Variants in SLC26A3 observed in about 807,000 individuals in gnomAD.
SLC26A3 encodes the protein solute carrier family 26 member 3.
A neutral mutation model predicts 85.6 loss-of-function variants in SLC26A3; 64 were observed. The observed-to-expected ratio is 0.75, with a 90% CI of 0.61 to 0.92. The LOEUF is 0.92. Among genes scored for constraint, SLC26A3 ranks in the 40% least tolerant of loss-of-function variants. The pLI is 0.00. For synonymous variants in SLC26A3, 349 were observed against 336.0 expected (o/e 1.04, Z -0.42); for missense variants, 922 against 927.3 (o/e 0.99, Z 0.07).
intron 4 of SLC26A3, among the ~76,000 whole-genome samples, chr7:107,791,559 C>A (rs1192613546): frequency 6.6e-6 from 1 of 152,038 alleles, no homozygotes; most frequent in Admixed American, 6.6e-5. Flanking sequence ...TTGCAGTGAG[C>A]TGAGATCGTG....
intron 1 of SLC26A3, among the ~76,000 whole-genome samples, chr7:107,798,602 A>T (rs1046099904): frequency 6.6e-6 from 1 of 152,180 alleles, no homozygotes; most frequent in African/African-American, 2.4e-5. Context: ...ATTAGCGGTC[A>T]TTTGAAACCA....
At chr7:107,775,286 G>A (rs1432069310) in intron 15 of SLC26A3, among the ~76,000 whole-genome samples, 2 of 151,626 alleles carry the variant, frequency 1.3e-5, no homozygotes, top group Non-Finnish European at 2.9e-5. Context: ...ATTTATAATG[G>A]TATGTTATTT....
At chr7:107,782,671 A>G (rs1281708688) in intron 11 of SLC26A3, 126 bp downstream of exon 11, 1 of 928,488 alleles carries the variant, frequency 1.1e-6, no homozygotes, top group East Asian at 2.4e-5. Context: ...AGTATTGGCT[A>G]AGAAGAGTAC....
At chr7:107,786,720 T>C (rs893264900) in intron 8 of SLC26A3, 107 bp downstream of exon 8, 1 of 924,232 alleles carries the variant, frequency 1.1e-6, no homozygotes, top group African/African-American at 1.6e-5. Context: ...AGGATTCTGA[T>C]GAGGGTTACC....
intron 8 of SLC26A3, among the ~76,000 whole-genome samples, chr7:107,783,821 C>T (rs971737113): frequency 6.6e-6 from 1 of 152,146 alleles, no homozygotes; most frequent in Non-Finnish European, 1.5e-5. Flanking sequence ...TGGAAAACTC[C>T]TGGCAAAGAG....
chr7:107,787,521 A>G lies in SLC26A3; in HGVS notation c.736-12T>C. 3 of 1,610,474 alleles carry G rather than the reference A, an allele frequency of 1.9e-6. No individual in the cohort carries two copies. Among genetic ancestry groups the G allele is most frequent in the Non-Finnish European group, 1.7e-6 (2 of 1,178,486 alleles). On this transcript the variant is annotated splice_polypyrimidine_tract_variant and intron_variant, in intron 6 of 20. Coordinates refer to ENST00000340010, the MANE Select transcript of SLC26A3 (RefSeq NM_000111.3). ...ACAGAGTATAGTACCTACAATTATAAAAACAAAAACCACCAAAGCCCTATA... is the reference window on the plus strand; with the variant it reads ...ACAGAGTATAGTACCTACAATTATAGAAACAAAAACCACCAAAGCCCTATA...
rs200098446 is a variant in SLC26A3 at position 107,786,613 on chromosome 7, G to GAAA, written c.971+211_971+213dup. On this transcript the variant is annotated intron_variant, in intron 8 of 20. Coordinates refer to ENST00000340010, the MANE Select transcript of SLC26A3 (RefSeq NM_000111.3). ...AGAACTGCATTCACTGTGGGGAGGCGAAAAAAAAAAAAAAAGAACTGCACA... is the reference window on the plus strand; with the variant it reads ...AGAACTGCATTCACTGTGGGGAGGCGAAAAAAAAAAAAAAAAAAGAACTGCACA... Among the ~76,000 whole-genome samples the GAAA allele has an allele frequency of 2.3e-5, 3 of 132,446 alleles. No homozygotes were observed. In the East Asian group the frequency reaches 6.3e-4, roughly 28 times the overall value. 86.9% of individuals were successfully genotyped at this position (132,446 alleles called of 152,430 possible).
chr7:107,769,996 T>TTCTCTC (rs1793978119), intron 18 of SLC26A3, among the ~76,000 whole-genome samples: 1 of 135,164 alleles, frequency 7.4e-6, no homozygotes, highest in Non-Finnish European at 1.6e-5. Flanking sequence ...TTCCTTCCTT[T>TTCTCTC]TTTCTCTTTC....
At chr7:107,768,828 G>A (rs1450947009) in intron 18 of SLC26A3, among the ~76,000 whole-genome samples, 2 of 152,148 alleles carry the variant, frequency 1.3e-5, no homozygotes, top group Non-Finnish European at 2.9e-5. Context: ...GGAAGAGAAG[G>A]TACACAGTTA....
intron 18 of SLC26A3, among the ~76,000 whole-genome samples, chr7:107,770,825 T>C (rs1336366575): frequency 2.0e-5 from 3 of 152,174 alleles, no homozygotes; most frequent in South Asian, 2.1e-4. Context: ...GGAAGAGATA[T>C]AGTCTAGTAG....
At chr7:107,770,637 C>A (rs1211260699) in intron 18 of SLC26A3, among the ~76,000 whole-genome samples, 2 of 152,142 alleles carry the variant, frequency 1.3e-5, no homozygotes, top group Non-Finnish European at 2.9e-5. Context: ...TGTGGCTTTT[C>A]TATGAGACTA....
At chr7:107,801,984 T>TG (rs1397548984) in intron 1 of SLC26A3, among the ~76,000 whole-genome samples, 4 of 149,368 alleles carry the variant, frequency 2.7e-5, no homozygotes, top group African/African-American at 9.9e-5. Flanking sequence ...ATCAGCTACT[T>TG]GGGGGGCTGA....
chr7:107,769,996 T>TC (rs879908806), intron 18 of SLC26A3, among the ~76,000 whole-genome samples: 36 of 135,266 alleles, frequency 2.7e-4, no homozygotes, highest in Non-Finnish European at 4.5e-4. Context: ...TTCCTTCCTT[T>TC]TTTCTCTTTC....
In SLC26A3 at chr7:107,793,838, G is replaced by A. The variant is rs371476952; in HGVS notation, c.175C>T (p.Pro59Ser). 2 of 1,613,916 alleles carry A rather than the reference G, an allele frequency of 1.2e-6. No homozygotes were observed. Among genetic ancestry groups the A allele is most frequent in the Non-Finnish European group, 1.7e-6 (2 of 1,179,964 alleles). ...KAKRIVLSLFPIASWLPAYRL... is the reference protein window; with the variant it reads ...KAKRIVLSLFSIASWLPAYRL... Reference sequence around the variant, plus strand: ...TATGCTGGCAACCAAGATGCTATGGGGAACAAAGAGAGGACAATTCTCTTG... The same window carrying A: ...TATGCTGGCAACCAAGATGCTATGGAGAACAAAGAGAGGACAATTCTCTTG... The change falls in exon 3 of 21, where the codon CCC (proline) becomes TCC (serine). Residue 59 changes from proline to serine, a missense_variant. Pro to Ser is a moderately conservative substitution (Grantham distance 74). Coordinates refer to ENST00000340010, the MANE Select transcript of SLC26A3 (RefSeq NM_000111.3).
At chr7:107,773,247 A>G (rs1245106086) in intron 17 of SLC26A3, among the ~76,000 whole-genome samples, 2 of 152,060 alleles carry the variant, frequency 1.3e-5, no homozygotes, top group Non-Finnish European at 2.9e-5. Context: ...CCACTCTTAC[A>G]TTTTTTCCCA....
At chr7:107,802,085 C>T (rs1454359283) in intron 1 of SLC26A3, among the ~76,000 whole-genome samples, 1 of 139,420 alleles carries the variant, frequency 7.2e-6, no homozygotes, top group Non-Finnish European at 1.5e-5. Flanking sequence ...GAGTGAGAAT[C>T]CGTCTCAGAA....
intron 8 of SLC26A3, among the ~76,000 whole-genome samples, chr7:107,785,976 A>G (rs1794288560): frequency 6.6e-6 from 1 of 152,372 alleles, no homozygotes; most frequent in South Asian, 2.1e-4. Context: ...GTTAGAAGAA[A>G]CAACACAAAA....
chr7:107,786,343 A>C (rs183350016), intron 8 of SLC26A3, among the ~76,000 whole-genome samples: 29 of 152,226 alleles, frequency 1.9e-4, no homozygotes, highest in Non-Finnish European at 3.2e-4. Flanking sequence ...TTAAAAAAAC[A>C]AGAGATGGGG....
intron 3 of SLC26A3, among the ~76,000 whole-genome samples, chr7:107,792,914 T>A (rs1208686351): frequency 6.6e-6 from 1 of 152,094 alleles, no homozygotes; most frequent in Non-Finnish European, 1.5e-5. Context: ...AATAACCCAA[T>A]TTAAAAATGG....
Sources: gnomAD v4.1 joint callset for allele counts (sites outside exome capture counted in the v4.1 genomes callset) on GRCh38, gnomAD v4.1.1 for gene constraint, MANE v1.5 for transcripts, NCBI Gene and HGNC (gene_info 2026-07-23, HGNC 2026-07-21) for gene names.